DNAAF5: variants seen among roughly 807,000 people sequenced by gnomAD.
DNAAF5 encodes dynein axonemal assembly factor 5.
A neutral mutation model predicts 75.8 loss-of-function variants in DNAAF5; 64 were observed. The observed-to-expected ratio is 0.84, with a 90% CI of 0.69 to 1.04. The LOEUF (loss-of-function observed/expected upper bound fraction) is 1.04. DNAAF5 is among the 50% of genes least tolerant of loss of function. The probability of loss-of-function intolerance (pLI) is 0.00; values close to 1 mark genes in which losing one functional copy is unlikely to be tolerated. For missense variants in DNAAF5, 1,269 were observed against 1,178.5 expected, an observed-to-expected ratio of 1.08 and a Z score of -1.12; for synonymous variants, 657 against 557.2, an observed-to-expected ratio of 1.18 and a Z score of -2.52.
chr7:786,104 A>C lies in DNAAF5; in HGVS notation c.*451A>C, dbSNP rs1345721848. 6.3e-6 allele frequency: 1 copy of C among 157,612 alleles called. No homozygotes were observed. The highest frequency in any genetic ancestry group is 2.4e-5 in the African/African-American group (1 of 41,528). The allele number at this position is 157,612 out of a possible 1,614,324, so 9.8% of individuals were successfully genotyped here. A position where few individuals can be genotyped will look rare whatever the true frequency, so the allele number is the denominator to read the frequency against. The stretch of plus-strand genomic sequence containing the variant: ...TGGGTTCTGTCTACTGAAATTTAAT[A>C]TCTCAGTGAACAGACTAAAAGGAAT... On this transcript the variant is annotated 3_prime_UTR_variant, in exon 13 of 13. Transcript: ENST00000297440.
intron 4 of DNAAF5, among the ~76,000 whole-genome samples, chr7:751,441 A>AGTGAGCT (rs1203461147): frequency 2.6e-5 from 4 of 152,078 alleles, no homozygotes; most frequent in African/African-American, 9.7e-5. Context: ...TCAGTGCTGC[A>AGTGAGCT]GTGAGCTGTG....
chr7:767,801 C>T (rs945206679), intron 8 of DNAAF5, among the ~76,000 whole-genome samples: 8 of 149,596 alleles, frequency 5.3e-5, no homozygotes, highest in East Asian at 2.1e-4. Context: ...CAGGAGCTCC[C>T]GCTGGGAGGG....
intron 9 of DNAAF5, chr7:772,022 A>G (rs1778581155): frequency 6.6e-6 from 1 of 152,326 alleles, no homozygotes; most frequent in Non-Finnish European, 1.5e-5. Flanking sequence ...CTGCTGAAGT[A>G]GAAATGGTGG....
At chr7:770,855 C>T (rs1470124642) in intron 9 of DNAAF5, 5 of 481,322 alleles carry the variant, frequency 1.0e-5, no homozygotes, top group Non-Finnish European at 1.9e-5. Flanking sequence ...CTCCCTCCCC[C>T]ACAGCACTCT....
At chr7:757,913 G>T (rs770571117) in intron 6 of DNAAF5, among the ~76,000 whole-genome samples, 3 of 152,370 alleles carry the variant, frequency 2.0e-5, no homozygotes, top group Non-Finnish European at 2.9e-5. Context: ...TGTGCTCTCA[G>T]CCCGGCCTGT....
intron 4 of DNAAF5, among the ~76,000 whole-genome samples, chr7:752,690 C>T (rs889321719): frequency 6.6e-6 from 1 of 152,232 alleles, no homozygotes; most frequent in African/African-American, 2.4e-5. Context: ...GGTGCGTCCT[C>T]AAAAGACCGC....
intron 2 of DNAAF5, among the ~76,000 whole-genome samples, chr7:738,720 T>C (rs1781810381): frequency 6.6e-6 from 1 of 152,176 alleles, no homozygotes; most frequent in Non-Finnish European, 1.5e-5. Flanking sequence ...TGATACTAAG[T>C]AGAGACTGAT....
intron 2 of DNAAF5, among the ~76,000 whole-genome samples, chr7:735,247 C>T (rs1781702218): frequency 7.2e-6 from 1 of 138,978 alleles, no homozygotes; most frequent in African/African-American, 2.8e-5. Context: ...CATACCGTTG[C>T]TCGTGGTGTT....
In DNAAF5 at chr7:729,919, A is replaced by C. The variant is rs1489455866; in HGVS notation, c.780+72A>C. Reference sequence around the variant, plus strand: ...GCGGGCTGACGTGCTGTTTTTAACTAACTCACTTGTTCTTTTTTCAGAGTG... The same window carrying C: ...GCGGGCTGACGTGCTGTTTTTAACTCACTCACTTGTTCTTTTTTCAGAGTG... On this transcript the variant is annotated intron_variant, in intron 2 of 12. Transcript: ENST00000297440. 1.2e-5 allele frequency: 17 copies of C among 1,441,088 alleles called. No homozygotes were observed. The East Asian group carries it at 3.2e-4, about 27-fold the overall frequency. 89.3% of individuals were successfully genotyped at this position (1,441,088 alleles called of 1,614,324 possible). A position where few individuals can be genotyped will look rare whatever the true frequency, so the allele number is the denominator to read the frequency against.
chr7:747,583 C>T (rs1278646763), intron 4 of DNAAF5, among the ~76,000 whole-genome samples: 1 of 148,196 alleles, frequency 6.7e-6, no homozygotes, highest in Non-Finnish European at 1.5e-5. Context: ...GCAGTGTTGT[C>T]ACACAGGGTT....
At chr7:769,142 G>A in intron 8 of DNAAF5, 1 of 771,132 alleles carries the variant, frequency 1.3e-6, no homozygotes, top group Non-Finnish European at 2.4e-6. Flanking sequence ...CGAGCAGCCT[G>A]CTCTGATGAC....
chr7:753,283 G>A (rs1782365314), intron 4 of DNAAF5, among the ~76,000 whole-genome samples: 1 of 152,150 alleles, frequency 6.6e-6, no homozygotes, highest in Admixed American at 6.5e-5. Flanking sequence ...CCCCAGAACA[G>A]GCCACTTCCC....
intron 5 of DNAAF5, among the ~76,000 whole-genome samples, chr7:755,381 A>G (rs1782451016): frequency 2.0e-5 from 3 of 152,142 alleles, no homozygotes; most frequent in Non-Finnish European, 4.4e-5. Flanking sequence ...CCTCCTCACT[A>G]GGCCGGGCCA....
chr7:756,573 G>A (rs879340276), intron 5 of DNAAF5, among the ~76,000 whole-genome samples: 17 of 152,272 alleles, frequency 1.1e-4, no homozygotes, highest in Admixed American at 4.6e-4. Context: ...AGGCGTGTCC[G>A]GCTCGCTGGC....
chr7:734,445 C>T (rs550875131), intron 2 of DNAAF5, among the ~76,000 whole-genome samples: 94 of 152,196 alleles, frequency 6.2e-4, no homozygotes, highest in Non-Finnish European at 1.1e-3. Flanking sequence ...TGGAATAAAT[C>T]TCACTTGGTC....
intron 4 of DNAAF5, among the ~76,000 whole-genome samples, chr7:752,312 C>T (rs991604890): frequency 1.3e-5 from 2 of 151,996 alleles, no homozygotes; most frequent in African/African-American, 4.8e-5. Flanking sequence ...TGACAGTGGG[C>T]CGGGCCACAC....
At chr7:731,556 A>G (rs746202658) in intron 2 of DNAAF5, among the ~76,000 whole-genome samples, 5 of 152,340 alleles carry the variant, frequency 3.3e-5, no homozygotes, top group African/African-American at 4.8e-5. Flanking sequence ...CTGACATCAC[A>G]TTGTTGATCT....
At chr7:769,059 A>T (rs1252837993) in intron 8 of DNAAF5, 1 of 678,850 alleles carries the variant, frequency 1.5e-6, no homozygotes, top group Non-Finnish European at 2.7e-6. Context: ...GCGAGGCCTG[A>T]CTTCGAGCCA....
chr7:775,009 C>T lies in DNAAF5; in HGVS notation c.2086C>T (p.Arg696Trp). 3.1e-6 allele frequency: 5 copies of T among 1,613,822 alleles called. No individual in the cohort carries two copies. The highest frequency in any genetic ancestry group is 1.3e-5 in the African/African-American group (1 of 75,000). Residue 696 changes from arginine to tryptophan, a missense_variant, in exon 11 of 13, where the codon CGG becomes TGG. Transcript: ENST00000297440. ...SSEVLSAEQI[R>W]DVQETLMPQV... ...CGTATGTGTTTGCTGATTGCAGATA[C>T]GGGACGTGCAGGAAACACTGATGCC...
Sources: gnomAD v4.1 joint callset for allele counts (sites outside exome capture counted in the v4.1 genomes callset) on GRCh38, gnomAD v4.1.1 for gene constraint, MANE v1.5 for transcripts, NCBI Gene and HGNC (gene_info 2026-07-23, HGNC 2026-07-21) for gene names.